Variants in TMPRSS11E observed in about 807,000 individuals in gnomAD.
TMPRSS11E encodes transmembrane protease serine 11E.
Under a neutral mutation model 48.1 loss-of-function variants are expected in TMPRSS11E, and 38 were observed. The observed-to-expected ratio is 0.79, with a 90% CI of 0.61 to 1.04. The LOEUF (loss-of-function observed/expected upper bound fraction) is 1.04, where lower values mean the gene tolerates loss of function less well. Ranked by LOEUF, TMPRSS11E falls within the 50% of genes least tolerant of loss-of-function variation. The pLI is 0.00. For missense variants in TMPRSS11E, 530 were observed against 510.8 expected, an observed-to-expected ratio of 1.04 and a Z score of -0.36; for synonymous variants, 158 against 171.9, an observed-to-expected ratio of 0.92 and a Z score of 0.63.
Position 68,474,778 on chromosome 4 carries a change from T to A in TMPRSS11E, c.529+17T>A. 1.9e-6 allele frequency: 3 copies of A among 1,590,002 alleles called. No individual in the cohort carries two copies. Among genetic ancestry groups the A allele is most frequent in the Non-Finnish European group, 2.6e-6 (3 of 1,170,664 alleles). The stretch of plus-strand genomic sequence containing the variant: ...TAAACCATTGTAAGTTTAATATATT[T>A]ATTAAAATAGCATTACCTGAAGGTA... On this transcript the variant is annotated intron_variant, in intron 6 of 9. Coordinates refer to ENST00000305363, the MANE Select transcript of TMPRSS11E (RefSeq NM_014058.4).
Position 68,476,272 on chromosome 4 carries a change from CGAA to C in TMPRSS11E, c.546_548del (p.Arg182del). On this transcript the variant is annotated inframe_deletion, in exon 7 of 10. Coordinates refer to ENST00000305363, the MANE Select transcript of TMPRSS11E (RefSeq NM_014058.4). ...TCTCTCTTTTGCAGGCTGCGGAACA[CGAA>C]GAAGTAAAACTCTAGGTCAGAGTCT... The C allele has an allele frequency of 6.2e-7, 1 of 1,614,022 alleles. No homozygotes were observed. The highest frequency in any genetic ancestry group is 8.5e-7 in the Non-Finnish European group (1 of 1,179,968).
In TMPRSS11E at chr4:68,471,624, G is replaced by A; in HGVS notation, c.490+1G>A. ...GATCCTCACTCAGTTAAAATTAAAAGTAAGTTAATTTCTCTTATTTTTCTT... is the reference window on the plus strand; with the variant it reads ...GATCCTCACTCAGTTAAAATTAAAAATAAGTTAATTTCTCTTATTTTTCTT... On this transcript the variant is annotated splice_donor_variant, in intron 5 of 9. Transcript: ENST00000305363. LOFTEE classifies it high-confidence loss of function. 3 of 1,567,706 alleles carry A rather than the reference G, an allele frequency of 1.9e-6. No individual in the cohort carries two copies. The highest frequency in any genetic ancestry group is 2.6e-6 in the Non-Finnish European group (3 of 1,161,102).
chr4:68,491,273 T>C (rs34678181), intron 9 of TMPRSS11E, among the ~76,000 whole-genome samples: 8,269 of 139,364 alleles, frequency 0.059, 311 homozygotes, highest in South Asian at 0.11. Context: ...GGTTGCTGGC[T>C]TCTTCCAAGT....
chr4:68,490,644 G>A (rs921649764), intron 9 of TMPRSS11E, among the ~76,000 whole-genome samples: 1 of 151,782 alleles, frequency 6.6e-6, no homozygotes, highest in Admixed American at 6.6e-5. Flanking sequence ...CTTCGCAGTG[G>A]TGAAAGACTT....
chr4:68,478,756 G>T, intron 8 of TMPRSS11E, 93 bp from the exon 9 acceptor site: 1 of 1,412,304 alleles, frequency 7.1e-7, no homozygotes, highest in Non-Finnish European at 9.8e-7. Flanking sequence ...TGCCTGGCCT[G>T]TATCACCATC....
chr4:68,477,227 A>T, intron 7 of TMPRSS11E, 142 bp from the exon 8 acceptor site: 1 of 815,220 alleles, frequency 1.2e-6, no homozygotes. Flanking sequence ...CCTGAGCCTT[A>T]TTATCAAATT....
intron 9 of TMPRSS11E, among the ~76,000 whole-genome samples, chr4:68,487,453 T>C (rs1273130634): frequency 2.0e-5 from 3 of 152,070 alleles, no homozygotes. Context: ...GATTTCGCTA[T>C]GTTGGCCAGG....
intron 9 of TMPRSS11E, among the ~76,000 whole-genome samples, chr4:68,482,328 A>G (rs1159413452): frequency 1.3e-5 from 2 of 152,128 alleles, no homozygotes; most frequent in Admixed American, 1.3e-4. Context: ...AGATTTGGGC[A>G]GGGATAAATA....
At chr4:68,456,983 A>G (rs1166858605) in intron 1 of TMPRSS11E, among the ~76,000 whole-genome samples, 3 of 152,190 alleles carry the variant, frequency 2.0e-5, no homozygotes, top group African/African-American at 7.2e-5. Flanking sequence ...ACCATTCAGG[A>G]CATAGGCATG....
Position 68,496,835 on chromosome 4 carries a change from T to G in TMPRSS11E, c.*31T>G, listed in dbSNP as rs1245186913. The G allele has an allele frequency of 6.4e-7, 1 of 1,567,714 alleles. No individual in the cohort carries two copies. The highest frequency in any genetic ancestry group is 8.6e-7 in the Non-Finnish European group (1 of 1,161,002). On this transcript the variant is annotated 3_prime_UTR_variant, in exon 10 of 10. Coordinates refer to ENST00000305363, the MANE Select transcript of TMPRSS11E (RefSeq NM_014058.4). ...AAAAGCCTCATGGAACAGATAACAT[T>G]TTTTTTTGTTTTTTGGGTGTGGAGG...
chr4:68,466,590 CT>C, intron 2 of TMPRSS11E, 40 bp from the exon 3 acceptor site: 1 of 1,603,552 alleles, frequency 6.2e-7, no homozygotes, highest in East Asian at 2.2e-5. Context: ...TTACACACAT[CT>C]GATAAAAATT....
intron 2 of TMPRSS11E, among the ~76,000 whole-genome samples, chr4:68,463,792 A>G (rs1379891622): frequency 1.3e-5 from 2 of 152,188 alleles, no homozygotes; most frequent in African/African-American, 4.8e-5. Flanking sequence ...CTTTATAAAT[A>G]TTTATTAAAT....
At chr4:68,496,055 C>T (rs1322107970) in intron 9 of TMPRSS11E, among the ~76,000 whole-genome samples, 1 of 152,116 alleles carries the variant, frequency 6.6e-6, no homozygotes, top group South Asian at 2.1e-4. Flanking sequence ...TTCCTAAGTT[C>T]TGCCTTTTGC....
chr4:68,477,812 C>T (rs1371746135), intron 8 of TMPRSS11E, among the ~76,000 whole-genome samples, 184 bp downstream of exon 8: 1 of 152,114 alleles, frequency 6.6e-6, no homozygotes, highest in Non-Finnish European at 1.5e-5. Context: ...AAGTTAATAT[C>T]GAGTAAATTG....
intron 1 of TMPRSS11E, among the ~76,000 whole-genome samples, chr4:68,450,440 T>C (rs1049280481): frequency 1.3e-5 from 2 of 151,948 alleles, no homozygotes; most frequent in African/African-American, 4.8e-5. Flanking sequence ...ATCTTTCTGA[T>C]TTTAAAATAT....
At chr4:68,464,583 T>C (rs768290083) in intron 2 of TMPRSS11E, among the ~76,000 whole-genome samples, 3 of 152,236 alleles carry the variant, frequency 2.0e-5, no homozygotes, top group Admixed American at 6.5e-5. Flanking sequence ...TGGCAGCTGG[T>C]AATATGTTTT....
At chr4:68,453,449 A>G (rs759889525) in intron 1 of TMPRSS11E, among the ~76,000 whole-genome samples, 10 of 151,950 alleles carry the variant, frequency 6.6e-5, no homozygotes, top group Non-Finnish European at 1.5e-4. Context: ...GCTTAAAGTC[A>G]TAGAGCTTGT....
intron 2 of TMPRSS11E, among the ~76,000 whole-genome samples, chr4:68,462,786 G>A (rs1485693758): frequency 2.0e-5 from 3 of 152,126 alleles, no homozygotes; most frequent in Non-Finnish European, 1.5e-5. Flanking sequence ...AGAGGATAGG[G>A]TATGCCAAGA....
chr4:68,450,006 T>G (rs1728450137), intron 1 of TMPRSS11E, among the ~76,000 whole-genome samples: 1 of 151,862 alleles, frequency 6.6e-6, no homozygotes, highest in Non-Finnish European at 1.5e-5. Context: ...TGACTTTATA[T>G]GGATCATAAA....
Sources: allele counts gnomAD v4.1 joint callset (sites outside exome capture counted in the v4.1 genomes callset), GRCh38; gene constraint gnomAD v4.1.1; transcripts MANE v1.5; gene names NCBI Gene and HGNC (gene_info 2026-07-23, HGNC 2026-07-21).